The following HOXC4 variants were observed in gnomAD, a reference collection of about 807,000 sequenced individuals.
The protein encoded by HOXC4 is homeobox C4, also known as homeobox protein Hox-C4.
Under a neutral mutation model 25.5 loss-of-function variants are expected in HOXC4, and 15 were observed. That is an observed-to-expected ratio of 0.59 (90% CI 0.39 to 0.91). The LOEUF is 0.91. HOXC4 is among the 40% of genes least tolerant of loss of function. HOXC4 has a pLI of 0.00. For missense variants in HOXC4, 342 were observed against 352.4 expected (o/e 0.97, Z 0.24); for synonymous variants, 165 against 148.0 (o/e 1.11, Z -0.83).
intron 1 of HOXC4, among the ~76,000 whole-genome samples, chr12:54,031,147 C>A (rs1226993168): frequency 1.3e-5 from 2 of 152,262 alleles, no homozygotes; most frequent in South Asian, 4.1e-4. Context: ...CTGTGGCAGC[C>A]GGTGTCCTCG....
At chr12:54,033,812 G>A (rs560668390) in intron 1 of HOXC4, 3 of 571,788 alleles carry the variant, frequency 5.2e-6, no homozygotes, top group African/African-American at 1.9e-5. Context: ...GGGGGAGAGG[G>A]AGGGAGTTAA....
At chr12:54,046,193 G>A (rs528114210) in intron 1 of HOXC4, among the ~76,000 whole-genome samples, 158 of 152,250 alleles carry the variant, frequency 1.0e-3, no homozygotes, top group African/African-American at 3.3e-3. Flanking sequence ...CCAATTAAGC[G>A]GCCGCCTTGC....
intron 1 of HOXC4, among the ~76,000 whole-genome samples, chr12:54,043,172 G>T (rs1941301995): frequency 6.6e-6 from 1 of 152,212 alleles, no homozygotes; most frequent in Non-Finnish European, 1.5e-5. Flanking sequence ...CTTGGGCTGG[G>T]CCCTGAGCCG....
intron 1 of HOXC4, among the ~76,000 whole-genome samples, chr12:54,026,680 C>A (rs931527765): frequency 6.6e-6 from 1 of 152,202 alleles, no homozygotes; most frequent in Non-Finnish European, 1.5e-5. Context: ...AACCCCCTAA[C>A]GAGGTTCATG....
chr12:54,019,781 G>A (rs1011790291), intron 1 of HOXC4: 1 of 151,996 alleles, frequency 6.6e-6, no homozygotes, highest in African/African-American at 2.4e-5. Flanking sequence ...GTTCGAGGTT[G>A]GCCGCTTAAC....
chr12:54,028,860 C>T (rs771424142), intron 1 of HOXC4: 3 of 1,613,984 alleles, frequency 1.9e-6, no homozygotes, highest in South Asian at 2.2e-5. Context: ...GGACTGCGCC[C>T]CAGGACCAGA....
chr12:54,054,251 C>T lies in HOXC4; in HGVS notation c.329C>T (p.Pro110Leu). 1.2e-6 allele frequency: 2 copies of T among 1,610,744 alleles called. No individual in the cohort carries two copies. The highest frequency in any genetic ancestry group is 1.7e-6 in the Non-Finnish European group (2 of 1,178,550). Residue 110 changes from proline to leucine, a missense_variant, in exon 1 of 2, where the codon CCG becomes CTG. Physicochemically the swap from Pro to Leu is moderately conservative, Grantham distance 98 (BLOSUM62 -3). Transcript: ENST00000430889. ...CCTCTCTCAGGCGCCTCCGCCTCCC[C>T]GTCCCCAGCCCCGCCAGCCTGCAGC... ...PAPLSGASAS[P>L]SPAPPACSQP...
chr12:54,054,181 G>A lies in HOXC4; in HGVS notation c.259G>A (p.Gly87Ser). Reference sequence around the variant, plus strand: ...GCGAGGCCACGGGCCGGCCCAGGCGGGCCACCACCACCCCGAGAAATCACA... The same window carrying A: ...GCGAGGCCACGGGCCGGCCCAGGCGAGCCACCACCACCCCGAGAAATCACA... ...NSRGHGPAQAGHHHPEKSQSL... is the reference protein window; with the variant it reads ...NSRGHGPAQASHHHPEKSQSL... Residue 87 changes from glycine to serine, a missense_variant, in exon 1 of 2, where the codon GGC (glycine) becomes AGC (serine). Coordinates refer to ENST00000430889, the MANE Select transcript of HOXC4 (RefSeq NM_153633.3). 6.2e-7 allele frequency: 1 copy of A among 1,613,428 alleles called. No individual in the cohort carries two copies. Among genetic ancestry groups the A allele is most frequent in the Non-Finnish European group, 8.5e-7 (1 of 1,179,736 alleles).
intron 1 of HOXC4, chr12:54,034,379 A>G: frequency 2.5e-6 from 4 of 1,614,156 alleles, no homozygotes; most frequent in Non-Finnish European, 3.4e-6. Flanking sequence ...CCGCAGGCGC[A>G]TAGAGATCGC....
At chr12:54,032,946 G>A in intron 1 of HOXC4, 1 of 568,180 alleles carries the variant, frequency 1.8e-6, no homozygotes, top group Non-Finnish European at 3.0e-6. Context: ...GTGGCCGCTC[G>A]AGTCACGTGA....
chr12:54,017,744 T>C lies in HOXC4; in HGVS notation c.-124+330T>C, dbSNP rs534488512. Among the ~76,000 whole-genome samples, 34 of 152,270 alleles carry C rather than the reference T, an allele frequency of 2.2e-4. 1 individual carries two copies. In the South Asian group the frequency reaches 4.6e-3, roughly 20 times the overall value. ...CCACTGTGTCAGTACCTGCTTATTA[T>C]AGATCTTCGGTCTCTTGGCTAATGG... On this transcript the variant is annotated intron_variant, in intron 1 of 3. Transcript: ENST00000303406.
intron 1 of HOXC4, among the ~76,000 whole-genome samples, chr12:54,036,249 T>G (rs1374948499): frequency 3.3e-5 from 5 of 152,088 alleles, no homozygotes; most frequent in Non-Finnish European, 7.4e-5. Flanking sequence ...CATAAAACTT[T>G]ACTGCATTTC....
chr12:54,044,944 C>T (rs558115615), intron 1 of HOXC4, among the ~76,000 whole-genome samples: 309 of 152,256 alleles, frequency 2.0e-3, no homozygotes, highest in South Asian at 3.7e-3. Flanking sequence ...TTAGTTCAAG[C>T]CAGATCAGGT....
chr12:54,030,984 C>T (rs1423650198), intron 1 of HOXC4, among the ~76,000 whole-genome samples: 1 of 152,222 alleles, frequency 6.6e-6, no homozygotes, highest in Non-Finnish European at 1.5e-5. Context: ...TGTTCGTTCT[C>T]GCGATCGCAC....
At chr12:54,036,568 G>A (rs904494440) in intron 1 of HOXC4, among the ~76,000 whole-genome samples, 8 of 152,088 alleles carry the variant, frequency 5.3e-5, no homozygotes, top group Non-Finnish European at 1.2e-4. Flanking sequence ...AATGCTTATT[G>A]AACAGTGCCC....
At chr12:54,032,488 C>G (rs943288737) in intron 1 of HOXC4, among the ~76,000 whole-genome samples, 2 of 152,230 alleles carry the variant, frequency 1.3e-5, no homozygotes, top group Non-Finnish European at 2.9e-5. Flanking sequence ...GGGCATAGGC[C>G]ACCTTACCTA....
chr12:54,039,788 G>T (rs1014456932), intron 1 of HOXC4, among the ~76,000 whole-genome samples: 22 of 151,964 alleles, frequency 1.4e-4, no homozygotes, highest in Non-Finnish European at 1.5e-5. Context: ...GTCTTTAACC[G>T]GGAATTTAGC....
chr12:54,028,469 A>C (rs554574256), intron 1 of HOXC4: 1 of 1,559,806 alleles, frequency 6.4e-7, no homozygotes, highest in East Asian at 2.2e-5. Flanking sequence ...TACAAACTGG[A>C]GACAGAAATA....
upstream of HOXC4, among the ~76,000 whole-genome samples, chr12:54,051,711 T>C (rs1014055506): frequency 6.6e-6 from 1 of 152,098 alleles, no homozygotes; most frequent in African/African-American, 2.4e-5. Flanking sequence ...AAGCACCAGC[T>C]CCTTGGGAGC....
Sources: allele counts gnomAD v4.1 joint callset (sites outside exome capture counted in the v4.1 genomes callset), GRCh38; gene constraint gnomAD v4.1.1; transcripts MANE v1.5; gene names NCBI Gene and HGNC (gene_info 2026-07-23, HGNC 2026-07-21).